RABEP1: variants seen among roughly 807,000 people sequenced by gnomAD.
RABEP1 encodes rab GTPase-binding effector protein 1.
A neutral mutation model predicts 123.4 loss-of-function variants in RABEP1; 51 were observed. The ratio of observed to expected loss-of-function variants is 0.41; its 90% CI spans 0.33 to 0.52. RABEP1 has a LOEUF of 0.52. Among genes scored for constraint, RABEP1 ranks in the 20% least tolerant of loss-of-function variants. RABEP1 has a pLI of 0.16. For synonymous variants in RABEP1, 347 were observed against 355.2 expected (o/e 0.98, Z 0.26); for missense variants, 888 against 996.3 (o/e 0.89, Z 1.46).
At chr17:5,312,487 C>T (rs915261712) in intron 2 of RABEP1, among the ~76,000 whole-genome samples, 1 of 152,086 alleles carries the variant, frequency 6.6e-6, no homozygotes, top group Non-Finnish European at 1.5e-5. Context: ...GACAATGAAC[C>T]ATAGTAAAAT....
intron 1 of RABEP1, among the ~76,000 whole-genome samples, chr17:5,288,156 A>G (rs906204514): frequency 6.6e-6 from 1 of 151,950 alleles, no homozygotes; most frequent in Non-Finnish European, 1.5e-5. Flanking sequence ...GACTTATTTG[A>G]CCAATATACA....
chr17:5,379,377 C>G (rs1484368886), intron 15 of RABEP1, among the ~76,000 whole-genome samples: 1 of 152,212 alleles, frequency 6.6e-6, no homozygotes, highest in African/African-American at 2.4e-5. Context: ...GAACTTCTGC[C>G]TCTTGACTGA....
intron 5 of RABEP1, among the ~76,000 whole-genome samples, chr17:5,345,188 C>A (rs1411845012): frequency 7.6e-6 from 1 of 131,630 alleles, no homozygotes; most frequent in Non-Finnish European, 1.7e-5. Flanking sequence ...TGAAACTCTT[C>A]CGTTTAAGGC....
At chr17:5,348,324 A>G (rs559158798) in intron 6 of RABEP1, among the ~76,000 whole-genome samples, 1 of 152,158 alleles carries the variant, frequency 6.6e-6, no homozygotes, top group Non-Finnish European at 1.5e-5. Flanking sequence ...GAGTTTTGGA[A>G]GGTGGGTAGG....
At chr17:5,364,682 G>A (rs961216108) in intron 10 of RABEP1, among the ~76,000 whole-genome samples, 4 of 147,092 alleles carry the variant, frequency 2.7e-5, no homozygotes, top group Non-Finnish European at 4.5e-5. Context: ...GCAGTGAGCC[G>A]AGATTGCAGA....
At position 5,365,130 on chromosome 17, in the gene RABEP1, A is replaced by AG; in HGVS notation, c.1677_1678insG (p.Leu560AlafsTer9). The AG allele has an allele frequency of 6.3e-7, 1 of 1,599,114 alleles. No individual in the cohort carries two copies. Among genetic ancestry groups the AG allele is most frequent in the Non-Finnish European group, 8.5e-7 (1 of 1,175,356 alleles). ...CTTTTAAAATGATACAGGTGAAAAA[A>AG]CTACAGCTGATGCTAAGGCAAGCTA... On this transcript the variant is annotated frameshift_variant, in exon 11 of 18. Transcript: ENST00000537505. LOFTEE classifies it high-confidence loss of function.
At chr17:5,381,986 G>A (rs868814876) in intron 17 of RABEP1, among the ~76,000 whole-genome samples, 1 of 152,040 alleles carries the variant, frequency 6.6e-6, no homozygotes, top group Non-Finnish European at 1.5e-5. Flanking sequence ...CCCTCCCTCT[G>A]CCATGCTCCC....
chr17:5,293,647 T>G (rs2075053879), intron 1 of RABEP1, among the ~76,000 whole-genome samples: 1 of 152,176 alleles, frequency 6.6e-6, no homozygotes, highest in East Asian at 1.9e-4. Flanking sequence ...GCTCAAGGGA[T>G]CCACCTGCCT....
chr17:5,353,601 G>A (rs1908754840), intron 7 of RABEP1, among the ~76,000 whole-genome samples: 1 of 151,990 alleles, frequency 6.6e-6, no homozygotes, highest in African/African-American at 2.4e-5. Context: ...TAGTCCCAAC[G>A]CTTTGGGAGG....
At chr17:5,322,737 A>G (rs116580746) in intron 2 of RABEP1, among the ~76,000 whole-genome samples, 2,743 of 152,342 alleles carry the variant, frequency 0.018, 76 homozygotes, top group African/African-American at 0.062. Flanking sequence ...GATATACACA[A>G]ATAAAGAAAT....
rs779871977 is a variant in RABEP1, at chr17:5,368,515, C to CT, written c.1884+53dup. 35 of 1,338,090 alleles carry CT rather than the reference C, an allele frequency of 2.6e-5. No homozygotes were observed. The Middle Eastern group carries it at 1.1e-3, about 42-fold the overall frequency. The allele number at this position is 1,338,090 out of a possible 1,614,324, so 82.9% of individuals were successfully genotyped here. A position where few individuals can be genotyped will look rare whatever the true frequency, so the allele number is the denominator to read the frequency against. Reference sequence around the variant, plus strand: ...ATGACAACTATGTTACTATATATTCCTTTTTTGTTCTATCTTGACATCATC... The same window carrying CT: ...ATGACAACTATGTTACTATATATTCCTTTTTTTGTTCTATCTTGACATCATC... On this transcript the variant is annotated intron_variant, in intron 12 of 17. Transcript: ENST00000537505.
At chr17:5,361,908 C>G (rs1162599550) in intron 9 of RABEP1, 1 of 479,342 alleles carries the variant, frequency 2.1e-6, no homozygotes, top group Non-Finnish European at 3.7e-6. Flanking sequence ...GTGAACCTCC[C>G]CACCTGAACT....
chr17:5,368,455 T>C lies in RABEP1; in HGVS notation c.1871T>C (p.Val624Ala). Residue 624 changes from valine to alanine, a missense_variant, in exon 12 of 18, where the codon GTT (valine) becomes GCT (alanine). Transcript: ENST00000537505. ...QQGLSQAKRD[V>A]QEQMAVLMQS... Reference sequence around the variant, plus strand: ...GGGCTTTCCCAGGCAAAGAGGGATGTTCAGGAACAGATGGTAAGTTTACAT... The same window carrying C: ...GGGCTTTCCCAGGCAAAGAGGGATGCTCAGGAACAGATGGTAAGTTTACAT... The C allele has an allele frequency of 6.2e-7, 1 of 1,612,452 alleles. No homozygotes were observed. The highest frequency in any genetic ancestry group is 8.5e-7 in the Non-Finnish European group (1 of 1,178,590).
At position 5,373,388 on chromosome 17, in the gene RABEP1, G is replaced by C. The variant is rs1298376694; in HGVS notation, c.1959G>C (p.Gln653His). The change falls in exon 13 of 18, where the codon CAG (glutamine) becomes CAC (histidine). Residue 653 changes from glutamine to histidine, a missense_variant. By Grantham distance (24) the Gln-to-His change is conservative. Coordinates refer to ENST00000537505, the MANE Select transcript of RABEP1 (RefSeq NM_004703.6). Reference protein sequence around the residue: ...VRLQKDNDSLQGKHSLHVSLQ... With the variant: ...VRLQKDNDSLHGKHSLHVSLQ... ...TACAGAAAGATAATGACAGTCTCCA[G>C]GGAAAGCACAGCCTGCATGTGTCAT... The C allele has an allele frequency of 6.2e-7, 1 of 1,613,192 alleles. No individual in the cohort carries two copies. Among genetic ancestry groups the C allele is most frequent in the Admixed American group, 1.7e-5 (1 of 59,860 alleles).
At chr17:5,285,208 A>G (rs911297003) in intron 1 of RABEP1, among the ~76,000 whole-genome samples, 3 of 152,154 alleles carry the variant, frequency 2.0e-5, no homozygotes, top group African/African-American at 7.2e-5. Flanking sequence ...AGAATTTAAA[A>G]ATGAAAATTT....
intron 4 of RABEP1, chr17:5,336,532 G>A (rs952976325): frequency 2.1e-6 from 1 of 467,488 alleles, no homozygotes; most frequent in Non-Finnish European, 4.2e-6. Flanking sequence ...TGTCTCCTTA[G>A]ATGCCTCTTG....
chr17:5,373,262 A>C, intron 12 of RABEP1, 52 bp from the exon 13 acceptor site: 1 of 1,574,250 alleles, frequency 6.4e-7, no homozygotes, highest in Non-Finnish European at 8.6e-7. Context: ...TGTAGCTATC[A>C]CCAGACCGGA....
At chr17:5,307,778 T>C (rs764286449) in intron 1 of RABEP1, among the ~76,000 whole-genome samples, 11 of 152,178 alleles carry the variant, frequency 7.2e-5, no homozygotes, top group Admixed American at 6.5e-4. Context: ...TCTGCTAATC[T>C]CCGCACACCA....
chr17:5,365,846 G>A (rs1023643074), intron 11 of RABEP1, among the ~76,000 whole-genome samples: 4 of 152,156 alleles, frequency 2.6e-5, no homozygotes, highest in Admixed American at 6.5e-5. Flanking sequence ...CGTGATGCAC[G>A]GAGTGTTTGT....
Sources: gnomAD v4.1 joint callset for allele counts (sites outside exome capture counted in the v4.1 genomes callset) on GRCh38, gnomAD v4.1.1 for gene constraint, MANE v1.5 for transcripts, NCBI Gene and HGNC (gene_info 2026-07-23, HGNC 2026-07-21) for gene names.